The following GRID1 variants were observed in gnomAD, a reference collection of about 807,000 sequenced individuals.
GRID1 encodes the protein glutamate ionotropic receptor delta type subunit 1, also known as glutamate receptor ionotropic, delta-1.
A neutral mutation model predicts 98.0 loss-of-function variants in GRID1; 28 were observed. That is an observed-to-expected ratio of 0.29 (90% CI 0.21 to 0.39). GRID1 has a LOEUF of 0.39. Ranked by LOEUF, GRID1 falls within the 10% of genes least tolerant of loss-of-function variation. The pLI is 1.00. For synonymous variants in GRID1, 553 were observed against 538.5 expected (o/e 1.03, Z -0.37); for missense variants, 1,111 against 1,340.5 (o/e 0.83, Z 2.67).
intron 12 of GRID1, among the ~76,000 whole-genome samples, chr10:85,649,207 G>A (rs1049412967): frequency 1.3e-5 from 2 of 152,054 alleles, no homozygotes; most frequent in African/African-American, 2.4e-5. Flanking sequence ...CAGCCTCCCC[G>A]GCCAGCACAC....
intron 4 of GRID1, among the ~76,000 whole-genome samples, chr10:86,074,069 T>C (rs544396343): frequency 7.3e-6 from 1 of 137,298 alleles, no homozygotes; most frequent in Non-Finnish European, 1.6e-5. Flanking sequence ...AAACAAATAG[T>C]AGACAAAAAT....
At chr10:85,807,654 T>A (rs988705305) in intron 8 of GRID1, among the ~76,000 whole-genome samples, 4 of 152,080 alleles carry the variant, frequency 2.6e-5, no homozygotes, top group African/African-American at 9.7e-5. Flanking sequence ...ATCAGGGATA[T>A]GCAAAACATG....
At chr10:85,633,270 A>T (rs1231635162) in intron 13 of GRID1, among the ~76,000 whole-genome samples, 3 of 152,030 alleles carry the variant, frequency 2.0e-5, no homozygotes, top group African/African-American at 4.8e-5. Context: ...CTCTGATAAG[A>T]CTTGGTATTA....
chr10:86,094,622 C>T (rs766679756), intron 4 of GRID1, among the ~76,000 whole-genome samples: 4 of 151,576 alleles, frequency 2.6e-5, no homozygotes, highest in African/African-American at 4.9e-5. Context: ...AAATAAAATA[C>T]TGAGGAATAT....
intron 12 of GRID1, among the ~76,000 whole-genome samples, chr10:85,706,010 G>A (rs1221310499): frequency 1.3e-5 from 2 of 152,158 alleles, no homozygotes; most frequent in East Asian, 3.9e-4. Context: ...ATATCATACT[G>A]AATGGGCAAA....
chr10:86,331,030 G>A (rs1848133311), intron 2 of GRID1, among the ~76,000 whole-genome samples: 1 of 152,224 alleles, frequency 6.6e-6, no homozygotes, highest in South Asian at 2.1e-4. Context: ...AACACCATGA[G>A]AGAAGGGCCA....
At chr10:85,805,671 A>G (rs1048801235) in intron 8 of GRID1, among the ~76,000 whole-genome samples, 1 of 151,990 alleles carries the variant, frequency 6.6e-6, no homozygotes, top group Non-Finnish European at 1.5e-5. Flanking sequence ...GAGTCTGGAA[A>G]AAGATCCACA....
At chr10:86,301,387 A>C (rs974869902) in intron 2 of GRID1, among the ~76,000 whole-genome samples, 12 of 152,248 alleles carry the variant, frequency 7.9e-5, no homozygotes, top group African/African-American at 2.9e-4. Context: ...TGTTGTGCTA[A>C]TGGTGTGTGG....
At chr10:86,102,802 C>A (rs931994903) in intron 4 of GRID1, among the ~76,000 whole-genome samples, 1 of 152,056 alleles carries the variant, frequency 6.6e-6, no homozygotes. Flanking sequence ...GTGTCTCCAC[C>A]CACATCTCAT....
intron 3 of GRID1, among the ~76,000 whole-genome samples, chr10:86,172,225 G>T (rs1366239715): frequency 6.6e-6 from 1 of 152,158 alleles, no homozygotes; most frequent in East Asian, 1.9e-4. Flanking sequence ...AGCTATCCTG[G>T]ACATTGCATA....
intron 3 of GRID1, among the ~76,000 whole-genome samples, chr10:86,142,591 T>C (rs1845026001): frequency 6.6e-6 from 1 of 152,252 alleles, no homozygotes; most frequent in Non-Finnish European, 1.5e-5. Flanking sequence ...CTGAGACCTG[T>C]CATTTACAAG....
intron 2 of GRID1, among the ~76,000 whole-genome samples, chr10:86,290,286 G>A (rs182011854): frequency 1.5e-3 from 222 of 152,330 alleles, no homozygotes; most frequent in African/African-American, 4.8e-3. Flanking sequence ...GCACTGAAGA[G>A]GCAGTGCCTC....
chr10:86,232,107 G>C (rs1846463145), intron 2 of GRID1, among the ~76,000 whole-genome samples: 1 of 152,178 alleles, frequency 6.6e-6, no homozygotes, highest in Non-Finnish European at 1.5e-5. Context: ...CTGAATCCCA[G>C]CTTCCCTTTC....
chr10:86,234,971 G>A (rs1846514301), intron 2 of GRID1, among the ~76,000 whole-genome samples: 3 of 152,228 alleles, frequency 2.0e-5, no homozygotes, highest in South Asian at 2.1e-4. Flanking sequence ...GTGCAGGGGA[G>A]AGGAGAAAGC....
At chr10:86,345,499 G>A (rs1214059918) in intron 2 of GRID1, among the ~76,000 whole-genome samples, 2 of 152,230 alleles carry the variant, frequency 1.3e-5, no homozygotes, top group Admixed American at 6.5e-5. Flanking sequence ...CAGAAGCCAG[G>A]CTTAGGGATG....
At chr10:85,907,708 A>G (rs1841482062) in intron 5 of GRID1, among the ~76,000 whole-genome samples, 1 of 152,170 alleles carries the variant, frequency 6.6e-6, no homozygotes, top group Admixed American at 6.5e-5. Flanking sequence ...AACTAAAGAC[A>G]GACATCAAAA....
intron 12 of GRID1, among the ~76,000 whole-genome samples, chr10:85,708,113 T>TAAAAAAAAAAA (rs768805148): frequency 3.3e-5 from 4 of 120,926 alleles, no homozygotes; most frequent in Non-Finnish European, 3.7e-5. Flanking sequence ...TAAAGTATAA[T>TAAAAAAAAAAA]AAAAAAAAAA....
intron 13 of GRID1, among the ~76,000 whole-genome samples, chr10:85,639,485 T>C (rs1396876159): frequency 6.6e-6 from 1 of 152,240 alleles, no homozygotes; most frequent in Admixed American, 6.5e-5. Flanking sequence ...TTGTTTTGGG[T>C]GATTATTACA....
chr10:85,995,481 G>A (rs538453633), intron 4 of GRID1, among the ~76,000 whole-genome samples: 33 of 152,330 alleles, frequency 2.2e-4, no homozygotes, highest in Non-Finnish European at 3.2e-4. Context: ...GACTAGGTGT[G>A]CATGTCTGAT....
Sources: allele counts gnomAD v4.1 joint callset (sites outside exome capture counted in the v4.1 genomes callset), GRCh38; gene constraint gnomAD v4.1.1; transcripts MANE v1.5; gene names NCBI Gene and HGNC (gene_info 2026-07-23, HGNC 2026-07-21).